Variants in AGTPBP1 observed in about 807,000 individuals in gnomAD.
AGTPBP1 encodes ATP/GTP binding carboxypeptidase 1.
In AGTPBP1, 70 loss-of-function variants were observed where a neutral mutation model predicts 143.9. The ratio of observed to expected loss-of-function variants is 0.49; its 90% confidence interval spans 0.40 to 0.59. The LOEUF is 0.59. Among genes scored for constraint, AGTPBP1 ranks in the 20% least tolerant of loss-of-function variants. The probability of loss-of-function intolerance (pLI) is 0.00; values close to 1 mark genes in which losing one functional copy is unlikely to be tolerated. For synonymous variants in AGTPBP1, 463 were observed against 500.2 expected, an observed-to-expected ratio of 0.93 and a Z score of 0.99; for missense variants, 1,229 against 1,464.5, an observed-to-expected ratio of 0.84 and a Z score of 2.62.
chr9:85,710,465 C>T (rs1034832404), intron 2 of AGTPBP1, among the ~76,000 whole-genome samples: 1 of 152,010 alleles, frequency 6.6e-6, no homozygotes, highest in African/African-American at 2.4e-5. Flanking sequence ...ATTTCTCCCC[C>T]CTTTTCAGAC....
intron 22 of AGTPBP1, among the ~76,000 whole-genome samples, chr9:85,586,281 AG>A (rs1828601873): frequency 6.6e-6 from 1 of 152,184 alleles, no homozygotes; most frequent in Admixed American, 6.5e-5. Context: ...ACCATTAAGA[AG>A]GGTATGGTTT....
At chr9:85,720,100 A>G (rs1255521000) in intron 1 of AGTPBP1, among the ~76,000 whole-genome samples, 1 of 152,216 alleles carries the variant, frequency 6.6e-6, no homozygotes, top group Non-Finnish European at 1.5e-5. Context: ...GATGTTCATC[A>G]GGGATATTGG....
At chr9:85,791,165 G>T in the AGTPBP1 span, among the ~76,000 whole-genome samples, 31,780 of 151,794 alleles carry the variant, frequency 0.21, 4,350 homozygotes, top group South Asian at 0.45. Context: ...GGATCACGAG[G>T]TCAGGAGTTC....
intron 8 of AGTPBP1, among the ~76,000 whole-genome samples, chr9:85,667,541 T>C (rs988664923): frequency 6.6e-6 from 1 of 152,160 alleles, no homozygotes; most frequent in African/African-American, 2.4e-5. Flanking sequence ...GATGGGGACA[T>C]TTCTAATGGG....
the AGTPBP1 span, chr9:85,753,357 G>A: frequency 6.2e-7 from 1 of 1,613,986 alleles, no homozygotes. Context: ...GAAAGCTGAG[G>A]ACCTTGATGC....
chr9:85,641,535 T>C (rs1832466508), intron 13 of AGTPBP1, among the ~76,000 whole-genome samples: 1 of 152,022 alleles, frequency 6.6e-6, no homozygotes, highest in Non-Finnish European at 1.5e-5. Flanking sequence ...CCTTCTCATG[T>C]ACCTCAAATC....
chr9:85,722,228 T>A (rs1187873908), intron 1 of AGTPBP1, among the ~76,000 whole-genome samples: 1 of 152,188 alleles, frequency 6.6e-6, no homozygotes, highest in African/African-American at 2.4e-5. Flanking sequence ...CCTTGCTAGG[T>A]AGGGGAAGTT....
chr9:85,693,865 G>C (rs1836050004), intron 2 of AGTPBP1, among the ~76,000 whole-genome samples: 1 of 152,084 alleles, frequency 6.6e-6, no homozygotes, highest in South Asian at 2.1e-4. Context: ...TACCATTTAA[G>C]AACAGGCCTG....
rs553087963 is a variant in AGTPBP1 at position 85,584,337 on chromosome 9, T to C, written c.3165+1126A>G. Among the ~76,000 whole-genome samples the C allele has an allele frequency of 2.6e-5, 4 of 152,308 alleles. No individual in the cohort carries two copies. In the East Asian group the frequency reaches 7.7e-4, roughly 29 times the overall value. On this transcript the variant is annotated intron_variant, in intron 23 of 25. Coordinates refer to ENST00000357081, the MANE Select transcript of AGTPBP1 (RefSeq NM_001330701.2). ...TTCTTGGGCTCTCCCTCCACCTTTA[T>C]CCTGGGCTTTGTCTCTCTCTTGAAC...
chr9:85,785,124 G>C, the AGTPBP1 span, among the ~76,000 whole-genome samples: 1 of 152,130 alleles, frequency 6.6e-6, no homozygotes. Context: ...CCTGAGGTCA[G>C]GAGATCGAGA....
chr9:85,677,589 A>G lies in AGTPBP1; in HGVS notation c.290-7T>C. The G allele has an allele frequency of 1.3e-6, 2 of 1,524,026 alleles. No homozygotes were observed. Among genetic ancestry groups the G allele is most frequent in the Non-Finnish European group, 1.7e-6 (2 of 1,142,872 alleles). 94.4% of individuals were successfully genotyped at this position (1,524,026 alleles called of 1,614,324 possible). On this transcript the variant is annotated splice_region_variant and splice_polypyrimidine_tract_variant and intron_variant, in intron 5 of 25. Coordinates refer to ENST00000357081, the MANE Select transcript of AGTPBP1 (RefSeq NM_001330701.2). ...CTCACTCTTCGACCTCCACCTAAAA[A>G]TTAAAAAAAAAAAAAATTTAAACAA... is the stretch of plus-strand genomic sequence containing the variant.
chr9:85,757,506 G>C, the AGTPBP1 span, among the ~76,000 whole-genome samples: 1 of 152,072 alleles, frequency 6.6e-6, no homozygotes, highest in African/African-American at 2.4e-5. Context: ...AAAAAGAAAA[G>C]ATGGAAAGCA....
At chr9:85,685,536 A>G (rs1835438874) in intron 3 of AGTPBP1, among the ~76,000 whole-genome samples, 2 of 152,142 alleles carry the variant, frequency 1.3e-5, no homozygotes, top group South Asian at 2.1e-4. Context: ...TTCTATATCC[A>G]GTAAAAATAT....
At chr9:85,701,194 G>A (rs1836627798) in intron 2 of AGTPBP1, among the ~76,000 whole-genome samples, 1 of 151,344 alleles carries the variant, frequency 6.6e-6, no homozygotes, top group South Asian at 2.1e-4. Context: ...TTACAGACAT[G>A]AGCCACCACA....
intron 1 of AGTPBP1, among the ~76,000 whole-genome samples, chr9:85,732,623 A>G (rs1489608126): frequency 6.6e-6 from 1 of 152,212 alleles, no homozygotes. Flanking sequence ...TAAGTAATTT[A>G]CTTTAGGAAG....
At chr9:85,620,028 T>G (rs1830823798) in intron 15 of AGTPBP1, among the ~76,000 whole-genome samples, 1 of 152,172 alleles carries the variant, frequency 6.6e-6, no homozygotes, top group Non-Finnish European at 1.5e-5. Context: ...GGTATATGTT[T>G]CCTCTTTTTT....
chr9:85,609,909 C>T (rs1364695358), intron 17 of AGTPBP1, among the ~76,000 whole-genome samples: 1 of 152,080 alleles, frequency 6.6e-6, no homozygotes, highest in African/African-American at 2.4e-5. Flanking sequence ...TCTCAAAGTA[C>T]CTCAATGTAT....
At chr9:85,799,723 G>A in the AGTPBP1 span, among the ~76,000 whole-genome samples, 1 of 152,010 alleles carries the variant, frequency 6.6e-6, no homozygotes, top group African/African-American at 2.4e-5. Flanking sequence ...TCACTATGTT[G>A]CCCAGGCTGG....
chr9:85,615,624 A>T (rs1179245084), intron 17 of AGTPBP1, among the ~76,000 whole-genome samples: 2 of 152,092 alleles, frequency 1.3e-5, no homozygotes, highest in Non-Finnish European at 2.9e-5. Flanking sequence ...TTAATTTTAA[A>T]ATTATGTATG....
Sources: allele counts gnomAD v4.1 joint callset (sites outside exome capture counted in the v4.1 genomes callset), GRCh38; gene constraint gnomAD v4.1.1; transcripts MANE v1.5; gene names NCBI Gene and HGNC (gene_info 2026-07-23, HGNC 2026-07-21).